SND1: variants seen among roughly 807,000 people sequenced by gnomAD.
The protein encoded by SND1 is staphylococcal nuclease domain-containing protein 1.
Under a neutral mutation model 121.7 loss-of-function variants are expected in SND1, and 38 were observed. The ratio of observed to expected loss-of-function variants is 0.31; its 90% CI spans 0.24 to 0.41. The LOEUF is 0.41. Among genes scored for constraint, SND1 ranks in the 10% least tolerant of loss-of-function variants. The pLI is 1.00. For missense variants in SND1, 868 were observed against 1,184.6 expected (o/e 0.73, Z 3.92); for synonymous variants, 401 against 447.4 (o/e 0.90, Z 1.31).
intron 2 of SND1, among the ~76,000 whole-genome samples, chr7:127,688,548 CAAA>C (rs56962684): frequency 9.8e-5 from 7 of 71,140 alleles, no homozygotes; most frequent in Admixed American, 3.2e-4. Flanking sequence ...GATCCCATCT[CAAA>C]AAAAAAAAAA....
chr7:127,977,455 G>T (rs1235104939), intron 15 of SND1, among the ~76,000 whole-genome samples: 4 of 152,060 alleles, frequency 2.6e-5, no homozygotes, highest in Admixed American at 2.6e-4. Flanking sequence ...ATCTTAGAAG[G>T]CCTAGGATGT....
chr7:128,074,613 C>G lies in SND1; in HGVS notation c.1891C>G (p.His631Asp). The G allele has an allele frequency of 6.2e-7, 1 of 1,613,906 alleles. No homozygotes were observed. Among genetic ancestry groups the G allele is most frequent in the Admixed American group, 1.7e-5 (1 of 60,016 alleles). ...LLVEHALSKV[H>D]FTAERSSYYK... Reference sequence around the variant, plus strand: ...GGTGGAGCACGCGCTCTCCAAGGTCCACTTCACCGCCGAACGCAGCTCCTA... The same window carrying G: ...GGTGGAGCACGCGCTCTCCAAGGTCGACTTCACCGCCGAACGCAGCTCCTA... The change falls in exon 17 of 24, where the codon CAC becomes GAC. Residue 631 changes from histidine to aspartate, a missense_variant. By Grantham distance (81) the His-to-Asp change is moderately conservative. Coordinates refer to ENST00000354725, the MANE Select transcript of SND1 (RefSeq NM_014390.4).
rs1468892304 is a variant in SND1, at chr7:127,821,942, C to T, written c.1242+14369C>T. On this transcript the variant is annotated intron_variant, in intron 11 of 23. Transcript: ENST00000354725. ...ATGGGCAGACATTTGAATTATTTAA[C>T]ATCCCTTTTATCTTTTAGACATTTT... Among the ~76,000 whole-genome samples the T allele has an allele frequency of 2.6e-5, 4 of 152,300 alleles. No homozygotes were observed. In the East Asian group the frequency reaches 7.7e-4, roughly 29 times the overall value.
chr7:128,082,179 C>T (rs998782775), intron 18 of SND1, among the ~76,000 whole-genome samples: 3 of 152,236 alleles, frequency 2.0e-5, no homozygotes, highest in African/African-American at 7.2e-5. Context: ...ACTACACCTC[C>T]AACCGCTTAC....
intron 11 of SND1, among the ~76,000 whole-genome samples, chr7:127,823,352 G>A (rs1420158182): frequency 6.6e-6 from 1 of 152,118 alleles, no homozygotes; most frequent in Non-Finnish European, 1.5e-5. Context: ...GGAGGAAGTG[G>A]GAATGGCCTT....
chr7:127,694,074 C>G (rs773746710), intron 2 of SND1, among the ~76,000 whole-genome samples: 15 of 152,148 alleles, frequency 9.9e-5, no homozygotes, highest in East Asian at 1.9e-4. Flanking sequence ...TCAAGGTGAT[C>G]CTTTGTCAGG....
chr7:127,926,126 G>A (rs966339054), intron 14 of SND1, among the ~76,000 whole-genome samples: 2 of 151,918 alleles, frequency 1.3e-5, no homozygotes, highest in Non-Finnish European at 2.9e-5. Flanking sequence ...TAGCTACATC[G>A]CCTGAGGAAA....
At chr7:127,926,549 C>CTTTTTTTTTTTTTTTTTTTT (rs71160605) in intron 14 of SND1, among the ~76,000 whole-genome samples, 4 of 90,558 alleles carry the variant, frequency 4.4e-5, no homozygotes, top group Admixed American at 1.5e-4. Flanking sequence ...TTTTCTTTTT[C>CTTTTTTTTTTTTTTTTTTTT]TTTTTTTTTT....
chr7:128,031,815 CG>C (rs1371330417), intron 16 of SND1, among the ~76,000 whole-genome samples: 2 of 149,100 alleles, frequency 1.3e-5, no homozygotes, highest in Non-Finnish European at 3.0e-5. Flanking sequence ...GGCGCGCCGC[CG>C]GCTCCGGCTT....
At chr7:127,704,088 T>C (rs1796149660) in intron 7 of SND1, among the ~76,000 whole-genome samples, 1 of 152,228 alleles carries the variant, frequency 6.6e-6, no homozygotes, top group Non-Finnish European at 1.5e-5. Context: ...CTTTATGTTC[T>C]TATAGTTCCG....
intron 15 of SND1, among the ~76,000 whole-genome samples, chr7:127,939,836 G>T (rs1308954938): frequency 1.3e-5 from 2 of 152,216 alleles, no homozygotes; most frequent in African/African-American, 4.8e-5. Context: ...GGATGGGTAG[G>T]TCAGTGAGGA....
At chr7:127,740,623 C>G (rs1455367235) in intron 10 of SND1, among the ~76,000 whole-genome samples, 3 of 152,228 alleles carry the variant, frequency 2.0e-5, no homozygotes, top group Admixed American at 1.3e-4. Flanking sequence ...AGAAATCACC[C>G]AGGTAGCTCT....
At chr7:127,717,724 C>G (rs537140626) in intron 9 of SND1, among the ~76,000 whole-genome samples, 1 of 152,298 alleles carries the variant, frequency 6.6e-6, no homozygotes, top group South Asian at 2.1e-4. Flanking sequence ...GTAGAAGGCC[C>G]TTTTGGGCTG....
intron 1 of SND1, among the ~76,000 whole-genome samples, chr7:127,667,913 T>C (rs990369584): frequency 6.6e-6 from 1 of 152,234 alleles, no homozygotes; most frequent in African/African-American, 2.4e-5. Flanking sequence ...TTTTCCATTA[T>C]GTAAAATGCT....
intron 16 of SND1, among the ~76,000 whole-genome samples, chr7:128,016,563 T>C (rs910475850): frequency 6.6e-6 from 1 of 152,114 alleles, no homozygotes; most frequent in Admixed American, 6.5e-5. Context: ...TCCACTGAAA[T>C]GTCATGGTTA....
At chr7:127,939,872 C>T (rs1355659714) in intron 15 of SND1, among the ~76,000 whole-genome samples, 1 of 152,190 alleles carries the variant, frequency 6.6e-6, no homozygotes, top group African/African-American at 2.4e-5. Flanking sequence ...AATTCTCTGA[C>T]TAGTGTTTCT....
chr7:127,708,599 C>G (rs140399859), intron 9 of SND1, among the ~76,000 whole-genome samples: 83 of 152,212 alleles, frequency 5.5e-4, no homozygotes, highest in African/African-American at 2.0e-3. Context: ...TTCCCCGCCC[C>G]ACCGCCCCGA....
intron 18 of SND1, among the ~76,000 whole-genome samples, chr7:128,083,607 G>A (rs1793641929): frequency 6.6e-6 from 1 of 152,258 alleles, no homozygotes; most frequent in Non-Finnish European, 1.5e-5. Context: ...AGAAAGAAGT[G>A]AGCTATGCTC....
At chr7:127,891,932 G>T (rs1030927284) in intron 13 of SND1, among the ~76,000 whole-genome samples, 1 of 152,066 alleles carries the variant, frequency 6.6e-6, no homozygotes, top group Non-Finnish European at 1.5e-5. Context: ...TCAGTCATTC[G>T]TTCTGACACT....
Sources: allele counts gnomAD v4.1 joint callset (sites outside exome capture counted in the v4.1 genomes callset), GRCh38; gene constraint gnomAD v4.1.1; transcripts MANE v1.5; gene names NCBI Gene and HGNC (gene_info 2026-07-23, HGNC 2026-07-21).